HERC1: variants seen among roughly 807,000 people sequenced by gnomAD.
The protein encoded by HERC1 is probable E3 ubiquitin-protein ligase HERC1.
A neutral mutation model predicts 554.3 loss-of-function variants in HERC1; 160 were observed. That is an observed-to-expected ratio of 0.29 (90% CI 0.25 to 0.33). The LOEUF (loss-of-function observed/expected upper bound fraction) is 0.33. HERC1 is among the 10% of genes least tolerant of loss of function. The probability of loss-of-function intolerance (pLI) is 1.00; values close to 1 mark genes in which losing one functional copy is unlikely to be tolerated. For synonymous variants in HERC1, 2,175 were observed against 2,131.7 expected (o/e 1.02, Z -0.56); for missense variants, 4,919 against 5,918.5 (o/e 0.83, Z 5.54).
chr15:63,709,733 T>C (rs80265381), intron 24 of HERC1, among the ~76,000 whole-genome samples: 4,695 of 152,318 alleles, frequency 0.031, 235 homozygotes, highest in African/African-American at 0.11. Context: ...TGTAAAGCAC[T>C]GTGTAGGAGA....
At chr15:63,707,539 C>T (rs1425933564) in intron 24 of HERC1, among the ~76,000 whole-genome samples, 4 of 152,108 alleles carry the variant, frequency 2.6e-5, no homozygotes, top group Non-Finnish European at 5.9e-5. Flanking sequence ...TCATATATGA[C>T]TTAAGCTTGT....
At chr15:63,649,698 C>A in intron 54 of HERC1, 27 bp downstream of exon 54, 1 of 1,584,264 alleles carries the variant, frequency 6.3e-7, no homozygotes, top group South Asian at 1.1e-5. Context: ...GAGACTCCGT[C>A]AGCTAGACGT....
chr15:63,809,645 C>T (rs892245469), intron 1 of HERC1, among the ~76,000 whole-genome samples: 7 of 151,998 alleles, frequency 4.6e-5, no homozygotes, highest in African/African-American at 1.7e-4. Context: ...TGAACTTGTA[C>T]GGAGTTGAAT....
chr15:63,739,235 T>C (rs967954427), intron 12 of HERC1, among the ~76,000 whole-genome samples: 1 of 144,714 alleles, frequency 6.9e-6, no homozygotes, highest in Non-Finnish European at 1.5e-5. Context: ...ACTCGTTCTG[T>C]TGCCCAGGCT....
chr15:63,652,645 A>C (rs2069756754), intron 51 of HERC1, 104 bp from the exon 52 acceptor site: 1 of 946,708 alleles, frequency 1.1e-6, no homozygotes, highest in Admixed American at 2.6e-5. Context: ...AAATTAAAAG[A>C]AAAGCATCCA....
At chr15:63,617,255 G>A (rs966875471) in intron 74 of HERC1, among the ~76,000 whole-genome samples, 4 of 152,154 alleles carry the variant, frequency 2.6e-5, no homozygotes, top group African/African-American at 4.8e-5. Context: ...GTGAGAACAC[G>A]AAGTGTTTGG....
At chr15:63,661,193 A>G (rs1034406030) in intron 45 of HERC1, among the ~76,000 whole-genome samples, 168 bp from the exon 46 acceptor site, 6 of 152,238 alleles carry the variant, frequency 3.9e-5, no homozygotes, top group African/African-American at 1.4e-4. Context: ...GTATGTAGGT[A>G]CACACATGCT....
Position 63,632,692 on chromosome 15 carries a change from G to A in HERC1, c.12796+17C>T, listed in dbSNP as rs751833400. 43 of 1,476,338 alleles carry A rather than the reference G, an allele frequency of 2.9e-5. No homozygotes were observed. Among genetic ancestry groups the A allele is most frequent in the Middle Eastern group, 1.7e-4 (1 of 5,862 alleles). 91.5% of individuals were successfully genotyped at this position (1,476,338 alleles called of 1,614,324 possible). On this transcript the variant is annotated intron_variant, in intron 68 of 77. Transcript: ENST00000443617. ...TAATGATGTGTACCCAAGCAAATAA[G>A]CTGAAAAATGTCTTACCTTGACCAA... is the stretch of plus-strand genomic sequence containing the variant.
intron 1 of HERC1, among the ~76,000 whole-genome samples, chr15:63,794,773 A>G (rs2076760252): frequency 6.6e-6 from 1 of 152,158 alleles, no homozygotes; most frequent in South Asian, 2.1e-4. Flanking sequence ...CAGCAGTTTA[A>G]GAAAAACACG....
intron 1 of HERC1, among the ~76,000 whole-genome samples, chr15:63,776,006 C>A (rs1024622923): frequency 2.0e-5 from 3 of 150,992 alleles, no homozygotes; most frequent in African/African-American, 7.3e-5. Context: ...CCACTGCACT[C>A]CAGCCTGGGT....
At chr15:63,682,000 C>G (rs930661122) in intron 34 of HERC1, among the ~76,000 whole-genome samples, 1 of 152,184 alleles carries the variant, frequency 6.6e-6, no homozygotes, top group Non-Finnish European at 1.5e-5. Context: ...TCTAGTGAAT[C>G]TCTGAATGTG....
chr15:63,782,441 A>G (rs921452887), intron 1 of HERC1, among the ~76,000 whole-genome samples: 1 of 152,208 alleles, frequency 6.6e-6, no homozygotes, highest in Non-Finnish European at 1.5e-5. Context: ...TACACAGTTT[A>G]CTAAATATTT....
chr15:63,744,164 GTCTCTCTCTCTC>G (rs71464534), intron 12 of HERC1, among the ~76,000 whole-genome samples: 20 of 46,312 alleles, frequency 4.3e-4, no homozygotes, highest in African/African-American at 1.0e-3. Context: ...GTGTGTGTGT[GTCTCTCTCTCTC>G]TCTCTCTCTC....
intron 41 of HERC1, 56 bp downstream of exon 41, chr15:63,666,300 T>C (rs2070632989): frequency 2.8e-6 from 4 of 1,421,882 alleles, no homozygotes; most frequent in African/African-American, 1.4e-5. Flanking sequence ...ATGTTGTCTT[T>C]AATAAGCTAG....
chr15:63,651,110 A>T, intron 53 of HERC1, 143 bp downstream of exon 53: 1 of 681,436 alleles, frequency 1.5e-6, no homozygotes, highest in East Asian at 2.7e-5. Flanking sequence ...TGAAGCACAC[A>T]GTGCATAGAT....
At chr15:63,815,458 G>A (rs1179349778) in intron 1 of HERC1, among the ~76,000 whole-genome samples, 6 of 152,198 alleles carry the variant, frequency 3.9e-5, no homozygotes, top group Admixed American at 1.3e-4. Flanking sequence ...GCCTACTGCA[G>A]AAGGTTGTGT....
At chr15:63,743,990 T>C (rs958734912) in intron 12 of HERC1, among the ~76,000 whole-genome samples, 1 of 152,214 alleles carries the variant, frequency 6.6e-6, no homozygotes, top group African/African-American at 2.4e-5. Flanking sequence ...TGTATCTACG[T>C]TGTGGTTCTT....
chr15:63,781,049 A>T (rs765726974), intron 1 of HERC1, among the ~76,000 whole-genome samples: 3 of 152,182 alleles, frequency 2.0e-5, no homozygotes, highest in Non-Finnish European at 4.4e-5. Context: ...ACAAATGCAA[A>T]CAGAAAAAGT....
In HERC1 at chr15:63,737,493, TAC is replaced by T. The variant is rs201195137; in HGVS notation, c.2521-2646_2521-2645del. On this transcript the variant is annotated intron_variant, in intron 12 of 77. Coordinates refer to ENST00000443617, the MANE Select transcript of HERC1 (RefSeq NM_003922.4). ...TATCTTTTTTCCAGATATATATATA[TAC>T]ATATATATATCTTTTTTCCAGATAT... Among the ~76,000 whole-genome samples the T allele has an allele frequency of 1.6e-3, 129 of 83,016 alleles. 11 individuals are homozygous for T. The highest frequency in any genetic ancestry group is 2.6e-3 in the Non-Finnish European group (104 of 39,702). The allele number at this position is 83,016 out of a possible 152,430, so 54.5% of individuals were successfully genotyped here.
Sources: gnomAD v4.1 joint callset for allele counts (sites outside exome capture counted in the v4.1 genomes callset) on GRCh38, gnomAD v4.1.1 for gene constraint, MANE v1.5 for transcripts, NCBI Gene and HGNC (gene_info 2026-07-23, HGNC 2026-07-21) for gene names.